The following NFKBIZ variants were observed in gnomAD, a reference collection of about 807,000 sequenced individuals.
NFKBIZ encodes NF-kappa-B inhibitor zeta.
NFKBIZ carries 19 observed loss-of-function variants against 76.8 expected under a neutral mutation model. The ratio of observed to expected loss-of-function variants is 0.25; its 90% CI spans 0.17 to 0.36. The LOEUF is 0.36. NFKBIZ is among the 10% of genes least tolerant of loss of function. NFKBIZ has a pLI of 1.00. For synonymous variants in NFKBIZ, 368 were observed against 354.8 expected (o/e 1.04, Z -0.42); for missense variants, 829 against 910.9 (o/e 0.91, Z 1.16).
chr3:101,839,130 A>G (rs534667209), intron 2 of NFKBIZ, among the ~76,000 whole-genome samples: 2 of 152,296 alleles, frequency 1.3e-5, no homozygotes, highest in Admixed American at 6.5e-5. Flanking sequence ...TTTTATAACT[A>G]GTCTTTCTGT....
intron 2 of NFKBIZ, among the ~76,000 whole-genome samples, chr3:101,837,282 A>G (rs1384416686): frequency 6.6e-6 from 1 of 152,064 alleles, no homozygotes; most frequent in African/African-American, 2.4e-5. Context: ...TTTCTTTCTC[A>G]CTAGTCTGAG....
intron 2 of NFKBIZ, among the ~76,000 whole-genome samples, chr3:101,832,476 C>T (rs1032464819): frequency 2.0e-5 from 3 of 152,172 alleles, no homozygotes; most frequent in Non-Finnish European, 4.4e-5. Flanking sequence ...ATTTCTCCCT[C>T]CCCCAAGTCC....
intron 9 of NFKBIZ, 65 bp from the exon 10 acceptor site, chr3:101,857,008 G>A (rs1303260035): frequency 1.7e-6 from 2 of 1,161,260 alleles, no homozygotes; most frequent in Non-Finnish European, 2.5e-6. Flanking sequence ...TGGGTGAAAA[G>A]TGTATTCTGA....
intron 11 of NFKBIZ, chr3:101,858,525 T>A: frequency 1.2e-6 from 1 of 801,522 alleles, no homozygotes; most frequent in Non-Finnish European, 1.5e-6. Flanking sequence ...ATTGAGATAT[T>A]AAGCCATTTA....
chr3:101,836,665 TTTATC>T (rs1182460072), intron 2 of NFKBIZ, among the ~76,000 whole-genome samples: 1 of 152,234 alleles, frequency 6.6e-6, no homozygotes, highest in Admixed American at 6.5e-5. Context: ...ATATTTCCCT[TTTATC>T]TTTTCTTAAA....
chr3:101,858,670 G>C (rs1030817243), intron 11 of NFKBIZ, among the ~76,000 whole-genome samples: 1 of 152,106 alleles, frequency 6.6e-6, no homozygotes, highest in Non-Finnish European at 1.5e-5. Context: ...GCTATCAGTT[G>C]TATCCCCTAC....
At chr3:101,830,250 G>A (rs1942630480) in intron 2 of NFKBIZ, among the ~76,000 whole-genome samples, 1 of 152,154 alleles carries the variant, frequency 6.6e-6, no homozygotes, top group African/African-American at 2.4e-5. Context: ...CTTGTTTTGG[G>A]AGCTTACCAG....
upstream of NFKBIZ, among the ~76,000 whole-genome samples, chr3:101,848,574 C>A (rs1162297890): frequency 2.0e-5 from 3 of 152,222 alleles, no homozygotes; most frequent in Non-Finnish European, 4.4e-5. Flanking sequence ...TTAACCTTAT[C>A]ATTCCCGCAT....
chr3:101,856,059 T>G, intron 9 of NFKBIZ, 157 bp downstream of exon 9: 1 of 610,490 alleles, frequency 1.6e-6, no homozygotes, highest in Admixed American at 3.7e-5. Flanking sequence ...CCAGAATTTT[T>G]TTTTTTTTTG....
chr3:101,856,536 A>T (rs1218645766), intron 9 of NFKBIZ: 2 of 152,174 alleles, frequency 1.3e-5, no homozygotes, highest in African/African-American at 4.8e-5. Context: ...TGCTTTTTGT[A>T]AGGATTTCTT....
Position 101,853,087 on chromosome 3 carries a change from C to G in NFKBIZ, c.565-4C>G, listed in dbSNP as rs188729931. 6 of 1,612,172 alleles carry G rather than the reference C, an allele frequency of 3.7e-6. No individual in the cohort carries two copies. The South Asian group carries it at 4.4e-5, about 12-fold the overall frequency. ...TGTGCAAGTTGCATTTTCCTTCTTT[C>G]CAGACACCACCTCAAACACCAACGC... On this transcript the variant is annotated splice_region_variant and splice_polypyrimidine_tract_variant and intron_variant, in intron 4 of 11. Coordinates refer to ENST00000326172, the MANE Select transcript of NFKBIZ (RefSeq NM_031419.4).
chr3:101,855,273 G>A, intron 7 of NFKBIZ, 65 bp downstream of exon 7: 1 of 1,599,338 alleles, frequency 6.3e-7, no homozygotes, highest in Non-Finnish European at 8.5e-7. Flanking sequence ...GATATTAGAA[G>A]TCGGATATAG....
chr3:101,859,273 G>A (rs1480374453), intron 11 of NFKBIZ, 45 bp from the exon 12 acceptor site: 22 of 1,487,166 alleles, frequency 1.5e-5, no homozygotes, highest in Non-Finnish European at 2.1e-5. Flanking sequence ...CACCACATTG[G>A]CCATAAGAAA....
Position 101,857,179 on chromosome 3 carries a change from C to G in NFKBIZ, c.1931C>G (p.Ala644Gly). 4.0e-6 allele frequency: 1 copy of G among 250,060 alleles called. No individual in the cohort carries two copies. The highest frequency in any genetic ancestry group is 5.8e-6 in the Non-Finnish European group (1 of 173,174). 15.5% of individuals were successfully genotyped at this position (250,060 alleles called of 1,614,324 possible). Residue 644 changes from alanine (A) to glycine (G), a missense_variant, in exon 10 of 12, where the codon GCA (alanine) becomes GGA (glycine). Around this residue, in one of 4 missense-constraint regions of NFKBIZ, gnomAD observed 272 missense variants for 384.2 expected, o/e 0.71. Coordinates refer to ENST00000326172, the MANE Select transcript of NFKBIZ (RefSeq NM_031419.4). Reference protein sequence around the residue: ...ELPSCLSFVNAKAYNGNTALH... With the variant: ...ELPSCLSFVNGKAYNGNTALH... Reference sequence around the variant, plus strand: ...CCCAGTTGCCTGTCTTTTGTGAATGCAAAGGTACACCAGAGTTGGAATGGC... The same window carrying G: ...CCCAGTTGCCTGTCTTTTGTGAATGGAAAGGTACACCAGAGTTGGAATGGC...
At chr3:101,850,057 C>T in intron 1 of NFKBIZ, 140 bp downstream of exon 1, 4 of 872,782 alleles carry the variant, frequency 4.6e-6, no homozygotes, top group Non-Finnish European at 6.2e-6. Context: ...ATTACCACTC[C>T]CCGCCTTGCC....
chr3:101,829,921 A>T (rs999042707), intron 2 of NFKBIZ, among the ~76,000 whole-genome samples: 8 of 151,416 alleles, frequency 5.3e-5, no homozygotes, highest in Non-Finnish European at 8.8e-5. Context: ...TATTTTTTTA[A>T]ACCAATTTGT....
chr3:101,851,841 C>T (rs2107414665), intron 1 of NFKBIZ, among the ~76,000 whole-genome samples: 1 of 152,250 alleles, frequency 6.6e-6, no homozygotes, highest in African/African-American at 2.4e-5. Context: ...GGATCCTTGA[C>T]CAAATTTTTA....
intron 2 of NFKBIZ, among the ~76,000 whole-genome samples, chr3:101,833,499 G>T (rs115742719): frequency 6.6e-6 from 1 of 152,300 alleles, no homozygotes; most frequent in Non-Finnish European, 1.5e-5. Context: ...TGTTCTGAAG[G>T]CCATAAGAAC....
rs1029992966 is a variant in NFKBIZ at position 101,849,548 on chromosome 3, C to T, written c.-81C>T. The T allele has an allele frequency of 9.7e-6, 12 of 1,231,890 alleles. No individual in the cohort carries two copies. Among genetic ancestry groups the T allele is most frequent in the East Asian group, 6.5e-5 (2 of 30,688 alleles). The allele number at this position is 1,231,890 out of a possible 1,614,324, so 76.3% of individuals were successfully genotyped here. The stretch of plus-strand genomic sequence containing the variant: ...CGCGCCGTCCGCCCGCCGACAGCTC[C>T]CTGAGCCAGCCCGGGAGGCAGCCGC... On this transcript the variant is annotated 5_prime_UTR_variant, in exon 1 of 12. Transcript: ENST00000326172.
Sources: allele counts gnomAD v4.1 joint callset (sites outside exome capture counted in the v4.1 genomes callset), GRCh38; gene constraint gnomAD v4.1.1; regional missense constraint gnomAD v4.1.1; transcripts MANE v1.5; gene names NCBI Gene and HGNC (gene_info 2026-07-23, HGNC 2026-07-21).